The following B4GALT7 variants were observed in gnomAD, a reference collection of about 807,000 sequenced individuals.
B4GALT7 encodes UDP-Gal:beta-GlcNAc beta-1,4-galactosyltransferase 7.
Under a neutral mutation model 33.0 loss-of-function variants are expected in B4GALT7, and 30 were observed. The observed-to-expected ratio is 0.91, with a 90% CI of 0.68 to 1.23. The LOEUF (loss-of-function observed/expected upper bound fraction) is 1.23, where lower values mean the gene tolerates loss of function less well. Among genes scored for constraint, B4GALT7 ranks in the 50% most tolerant of loss-of-function variants. B4GALT7 has a pLI of 0.00. For missense variants in B4GALT7, 507 were observed against 450.8 expected, an observed-to-expected ratio of 1.12 and a Z score of -1.13; for synonymous variants, 213 against 187.2, an observed-to-expected ratio of 1.14 and a Z score of -1.13.
In B4GALT7 at chr5:177,609,737, T is replaced by C; in HGVS notation, c.*42T>C. 6.4e-7 allele frequency: 1 copy of C among 1,562,296 alleles called. No individual in the cohort carries two copies. The highest frequency in any genetic ancestry group is 8.7e-7 in the Non-Finnish European group (1 of 1,153,278). ...GGAAGCCTGTACCTACAGGCCATAT[T>C]GCTCAGGCTCAGGACAAGGCCTCAG... On this transcript the variant is annotated 3_prime_UTR_variant, in exon 6 of 6. Coordinates refer to ENST00000029410, the MANE Select transcript of B4GALT7 (RefSeq NM_007255.3).
At position 177,604,219 on chromosome 5, in the gene B4GALT7, G is replaced by A. The variant is rs529356820; in HGVS notation, c.91G>A (p.Val31Ile). 4 of 1,613,536 alleles carry A rather than the reference G, an allele frequency of 2.5e-6. No homozygotes were observed. The highest frequency in any genetic ancestry group is 1.7e-6 in the Non-Finnish European group (2 of 1,179,942). Residue 31 changes from valine to isoleucine, a missense_variant, in exon 2 of 6, where the codon GTC becomes ATC. Transcript: ENST00000029410. ...CGGCGGCCTCCCTCGGAAGTGTTCC[G>A]TCTTCCACCTGTTCGTGGCCTGCCT... ...LSGGLPRKCSVFHLFVACLSL... is the reference protein window; with the variant it reads ...LSGGLPRKCSIFHLFVACLSL...
chr5:177,609,093 CCTTGGCCCAAATGGTCCCATCCTCCCCTG>C, intron 5 of B4GALT7, 79 bp downstream of exon 5: 1 of 1,333,984 alleles, frequency 7.5e-7, no homozygotes, highest in South Asian at 1.2e-5. Flanking sequence ...ACCAAGTTCT[CCTTGGCCCAAATGGTCCCATCCTCCCCTG>C]CTTGGCCCAG....
intron 1 of B4GALT7, among the ~76,000 whole-genome samples, chr5:177,602,243 G>C (rs1010924436): frequency 6.6e-6 from 1 of 152,098 alleles, no homozygotes. Context: ...TCTCAGCTGC[G>C]TGTGGAACCT....
At chr5:177,603,090 C>A in intron 1 of B4GALT7, 1 of 497,494 alleles carries the variant, frequency 2.0e-6, no homozygotes, top group Non-Finnish European at 2.6e-6. Context: ...ACCATATTTG[C>A]CAGGCTGGTC....
chr5:177,607,022 TTTGTGTTTGC>T (rs1327158310), intron 2 of B4GALT7: 2 of 523,480 alleles, frequency 3.8e-6, no homozygotes, highest in East Asian at 3.5e-5. Flanking sequence ...CTGGCCACGC[TTTGTGTTTGC>T]TTGTTTCTGT....
intron 5 of B4GALT7, 118 bp from the exon 6 acceptor site, chr5:177,609,422 G>A (rs1768111552): frequency 1.5e-6 from 2 of 1,320,366 alleles, no homozygotes; most frequent in African/African-American, 1.5e-5. Context: ...TTTGAGCTCT[G>A]GGTTCTTCCT....
Position 177,610,100 on chromosome 5 carries a change from T to TG in B4GALT7, c.*407dup, listed in dbSNP as rs1561817020. 1 of 248,914 alleles carries TG rather than the reference T, an allele frequency of 4.0e-6. No individual in the cohort carries two copies. Among genetic ancestry groups the TG allele is most frequent in the Non-Finnish European group, 8.1e-6 (1 of 123,728 alleles). The allele number at this position is 248,914 out of a possible 1,614,324, so 15.4% of individuals were successfully genotyped here. On this transcript the variant is annotated 3_prime_UTR_variant, in exon 6 of 6. Transcript: ENST00000029410. ...AGACACAGTGTAGGGGCCATGCAGC[T>TG]GGCGTAGGTGGCAGTTGGGCCTGGT...
chr5:177,607,959 G>T, intron 3 of B4GALT7: 1 of 290,202 alleles, frequency 3.4e-6, no homozygotes, highest in Non-Finnish European at 6.7e-6. Flanking sequence ...TCAGGCAGGA[G>T]TCCCGCAGTG....
intron 2 of B4GALT7, chr5:177,605,220 A>C (rs1581993562): frequency 8.6e-6 from 3 of 346,864 alleles, no homozygotes; most frequent in Middle Eastern, 3.9e-4. Flanking sequence ...TCCCTGGCAT[A>C]CTCCCTCAAG....
Position 177,604,207 on chromosome 5 carries a change from CG to C in B4GALT7, c.81del (p.Lys28SerfsTer92). 1 of 1,613,672 alleles carries C rather than the reference CG, an allele frequency of 6.2e-7. No homozygotes were observed. Among genetic ancestry groups the C allele is most frequent in the African/African-American group, 1.3e-5 (1 of 75,040 alleles). On this transcript the variant is annotated frameshift_variant, in exon 2 of 6. Coordinates refer to ENST00000029410, the MANE Select transcript of B4GALT7 (RefSeq NM_007255.3). LOFTEE classifies it high-confidence loss of function. ...CGGGTTGCTCTCCGGCGGCCTCCCT[CG>C]GAAGTGTTCCGTCTTCCACCTGTTC... Reference protein sequence around the residue: ...RSGLLSGGLPRKCSVFHLFVA... With the variant: ...RSGLLSGGLPXKCSVFHLFVA...
At position 177,609,577 on chromosome 5, in the gene B4GALT7, CTG is replaced by C; in HGVS notation, c.869_870del (p.Val290GlufsTer27). Reference sequence around the variant, plus strand: ...GTGGACAGGGAGGGAGGCCTGAACACTGTGAAGTACCATGTGGCTTCCCGCAC... The same window carrying C: ...GTGGACAGGGAGGGAGGCCTGAACACTGAAGTACCATGTGGCTTCCCGCAC... On this transcript the variant is annotated frameshift_variant, in exon 6 of 6. Coordinates refer to ENST00000029410, the MANE Select transcript of B4GALT7 (RefSeq NM_007255.3). LOFTEE classifies it high-confidence loss of function. 2 of 1,613,874 alleles carry C rather than the reference CTG, an allele frequency of 1.2e-6. No individual in the cohort carries two copies. Among genetic ancestry groups the C allele is most frequent in the Non-Finnish European group, 8.5e-7 (1 of 1,180,044 alleles).
At position 177,609,621 on chromosome 5, in the gene B4GALT7, G is replaced by C. The variant is rs145082497; in HGVS notation, c.910G>C (p.Gly304Arg). 22 of 1,613,846 alleles carry C rather than the reference G, an allele frequency of 1.4e-5. No individual in the cohort carries two copies. The highest frequency in any genetic ancestry group is 1.8e-5 in the Non-Finnish European group (21 of 1,180,026). ...VASRTALSVGGAPCTVLNIML... is the reference protein window; with the variant it reads ...VASRTALSVGRAPCTVLNIML... ...TTCCCGCACTGCCCTGTCTGTGGGCGGGGCCCCCTGCACTGTCCTCAACAT... is the reference window on the plus strand; with the variant it reads ...TTCCCGCACTGCCCTGTCTGTGGGCCGGGCCCCCTGCACTGTCCTCAACAT... The change falls in exon 6 of 6, where the codon GGG (glycine) becomes CGG (arginine). Residue 304 changes from glycine to arginine, a missense_variant. Gly to Arg is a moderately radical substitution (Grantham distance 125). Coordinates refer to ENST00000029410, the MANE Select transcript of B4GALT7 (RefSeq NM_007255.3).
Position 177,607,406 on chromosome 5 carries a change from T to G in B4GALT7, c.518T>G (p.Leu173Arg). The G allele has an allele frequency of 6.2e-7, 1 of 1,614,130 alleles. No homozygotes were observed. The highest frequency in any genetic ancestry group is 2.2e-5 in the East Asian group (1 of 44,878). Reference sequence around the variant, plus strand: ...GACCTGCTCCCTCTCAACGAGGAGCTGGACTATGGCTTTCCTGAGGCTGGG... The same window carrying G: ...GACCTGCTCCCTCTCAACGAGGAGCGGGACTATGGCTTTCCTGAGGCTGGG... ...DVDLLPLNEE[L>R]DYGFPEAGPF... Residue 173 changes from leucine to arginine, a missense_variant, in exon 3 of 6, where the codon CTG (leucine) becomes CGG (arginine). By Grantham distance (102) the Leu-to-Arg change is moderately radical. Coordinates refer to ENST00000029410, the MANE Select transcript of B4GALT7 (RefSeq NM_007255.3).
In B4GALT7 at chr5:177,609,586, A is replaced by G. The variant is rs780922438; in HGVS notation, c.875A>G (p.Tyr292Cys). The G allele has an allele frequency of 1.9e-6, 3 of 1,613,752 alleles. No homozygotes were observed. The highest frequency in any genetic ancestry group is 2.5e-6 in the Non-Finnish European group (3 of 1,180,026). The change falls in exon 6 of 6, where the codon TAC (tyrosine) becomes TGC (cysteine). Residue 292 changes from tyrosine to cysteine, a missense_variant. Tyr to Cys is a radical substitution (Grantham distance 194). Coordinates refer to ENST00000029410, the MANE Select transcript of B4GALT7 (RefSeq NM_007255.3). ...DREGGLNTVK[Y>C]HVASRTALSV... is the part of the protein sequence containing the mutation. ...GAGGGAGGCCTGAACACTGTGAAGT[A>G]CCATGTGGCTTCCCGCACTGCCCTG...
At chr5:177,609,140 G>A (rs1367297067) in intron 5 of B4GALT7, 126 bp downstream of exon 5, 6 of 893,882 alleles carry the variant, frequency 6.7e-6, no homozygotes, top group Middle Eastern at 2.7e-4. Flanking sequence ...CAGGTCAGTC[G>A]ACGGGCATTC....
chr5:177,606,828 A>C lies in B4GALT7; in HGVS notation c.414-474A>C. On this transcript the variant is annotated intron_variant, in intron 2 of 5. Coordinates refer to ENST00000029410, the MANE Select transcript of B4GALT7 (RefSeq NM_007255.3). This position sits in a 1 kb window ranked among gnomAD's most constrained non-coding sequence, Gnocchi z 4.2. ...TCCTGCCTCCTGCCGTGGCAGTGCC[A>C]TCTCTCCTATGCAGAGCCCTAGGCA... 1 of 234,158 alleles carries C rather than the reference A, an allele frequency of 4.3e-6. No homozygotes were observed. Among genetic ancestry groups the C allele is most frequent in the Non-Finnish European group, 8.6e-6 (1 of 115,996 alleles). The allele number at this position is 234,158 out of a possible 1,614,324, so 14.5% of individuals were successfully genotyped here. A position where few individuals can be genotyped will look rare whatever the true frequency, so the allele number is the denominator to read the frequency against.
chr5:177,605,194 T>G, intron 2 of B4GALT7: 1 of 369,652 alleles, frequency 2.7e-6, no homozygotes, highest in Non-Finnish European at 5.4e-6. Flanking sequence ...GAGTCCAAGG[T>G]CCATCATTAA....
At chr5:177,601,991 G>A (rs551115169) in intron 1 of B4GALT7, among the ~76,000 whole-genome samples, 22 of 152,280 alleles carry the variant, frequency 1.4e-4, no homozygotes, top group East Asian at 5.8e-4. Flanking sequence ...CCCAGTCCAC[G>A]CCGTTCCCCT....
chr5:177,609,599 C>T lies in B4GALT7; in HGVS notation c.888C>T (p.Ser296=). The T allele has an allele frequency of 1.2e-6, 2 of 1,613,962 alleles. No individual in the cohort carries two copies. The highest frequency in any genetic ancestry group is 2.2e-5 in the East Asian group (1 of 44,882). The change falls in exon 6 of 6, where the codon TCC becomes TCT. Residue 296 remains serine, a synonymous_variant. Transcript: ENST00000029410. ...GLNTVKYHVA[S]RTALSVGGAP... ...ACACTGTGAAGTACCATGTGGCTTC[C>T]CGCACTGCCCTGTCTGTGGGCGGGG...
Sources: allele counts gnomAD v4.1 joint callset (sites outside exome capture counted in the v4.1 genomes callset), GRCh38; gene constraint gnomAD v4.1.1; non-coding constraint Gnocchi (gnomAD v3.1); transcripts MANE v1.5; gene names NCBI Gene and HGNC (gene_info 2026-07-23, HGNC 2026-07-21).